ARHGAP26: variants seen among roughly 807,000 people sequenced by gnomAD.
ARHGAP26 encodes the protein Rho GTPase activating protein 26.
ARHGAP26 carries 38 observed loss-of-function variants against 104.8 expected under a neutral mutation model. That is an observed-to-expected ratio of 0.36 (90% CI 0.28 to 0.48). The LOEUF is 0.48. ARHGAP26 is among the 20% of genes least tolerant of loss of function. The probability of loss-of-function intolerance (pLI) is 0.99; values close to 1 mark genes in which losing one functional copy is unlikely to be tolerated. For synonymous variants in ARHGAP26, 341 were observed against 340.0 expected (o/e 1.00, Z -0.03); for missense variants, 704 against 947.9 (o/e 0.74, Z 3.38).
chr5:142,806,334 G>C (rs779146169), intron 1 of ARHGAP26, among the ~76,000 whole-genome samples: 28 of 152,192 alleles, frequency 1.8e-4, no homozygotes, highest in Non-Finnish European at 3.8e-4. Context: ...TTGGGCTCAA[G>C]CAATCCTCCT....
At chr5:143,037,483 A>G (rs1420145216) in intron 13 of ARHGAP26, among the ~76,000 whole-genome samples, 1 of 152,226 alleles carries the variant, frequency 6.6e-6, no homozygotes, top group Non-Finnish European at 1.5e-5. Context: ...TTAAATATCT[A>G]AAATACGTAT....
At chr5:142,916,556 G>A (rs973908217) in intron 10 of ARHGAP26, among the ~76,000 whole-genome samples, 4 of 152,120 alleles carry the variant, frequency 2.6e-5, no homozygotes, top group Admixed American at 1.3e-4. Flanking sequence ...TCACAATACA[G>A]TTTCATCAGA....
At chr5:143,128,377 A>T (rs1796956720) in intron 18 of ARHGAP26, among the ~76,000 whole-genome samples, 1 of 152,212 alleles carries the variant, frequency 6.6e-6, no homozygotes, top group Non-Finnish European at 1.5e-5. Context: ...GGATTACCCA[A>T]GCTGTCTATA....
At chr5:142,915,264 T>C (rs553048617) in intron 10 of ARHGAP26, among the ~76,000 whole-genome samples, 1 of 151,756 alleles carries the variant, frequency 6.6e-6, no homozygotes, top group South Asian at 2.1e-4. Context: ...GGCTTGCGAG[T>C]CGATTGCTCC....
intron 20 of ARHGAP26, among the ~76,000 whole-genome samples, chr5:143,159,924 AT>A (rs199761987): frequency 0.12 from 17,870 of 148,574 alleles, 1,161 homozygotes; most frequent in East Asian, 0.24. Context: ...GTGGTATGGG[AT>A]TTTTTTTTTT....
chr5:143,052,307 T>C (rs975921040), intron 14 of ARHGAP26, among the ~76,000 whole-genome samples: 1 of 151,946 alleles, frequency 6.6e-6, no homozygotes, highest in African/African-American at 2.4e-5. Context: ...CCATTTCTAC[T>C]AAAAATACAA....
At chr5:142,981,795 G>A (rs752785027) in intron 11 of ARHGAP26, among the ~76,000 whole-genome samples, 11 of 152,232 alleles carry the variant, frequency 7.2e-5, no homozygotes, top group South Asian at 4.1e-4. Flanking sequence ...AAGTGGTGTC[G>A]TGGTACCACC....
At chr5:142,931,535 A>T (rs888094475) in intron 10 of ARHGAP26, among the ~76,000 whole-genome samples, 5 of 152,332 alleles carry the variant, frequency 3.3e-5, no homozygotes, top group African/African-American at 1.2e-4. Flanking sequence ...AACTACCAAG[A>T]TGATGACCAC....
intron 19 of ARHGAP26, among the ~76,000 whole-genome samples, chr5:143,138,316 G>A (rs1798129965): frequency 6.6e-6 from 1 of 152,182 alleles, no homozygotes; most frequent in Admixed American, 6.5e-5. Context: ...TGGAAATGGG[G>A]CTAGGAGTGA....
chr5:142,899,728 G>T (rs973884681), intron 6 of ARHGAP26, among the ~76,000 whole-genome samples: 17 of 152,062 alleles, frequency 1.1e-4, no homozygotes, highest in African/African-American at 3.9e-4. Context: ...GTGGGGGAGA[G>T]AAAAGGTGCT....
chr5:142,811,431 G>A (rs1470149165), intron 1 of ARHGAP26, among the ~76,000 whole-genome samples: 9 of 152,220 alleles, frequency 5.9e-5, no homozygotes, highest in African/African-American at 9.6e-5. Flanking sequence ...AGCTGAGAGT[G>A]TGGGCTCTGG....
In ARHGAP26 at chr5:143,179,448, C is replaced by T. The variant is rs573551381; in HGVS notation, c.1989-27750C>T. 2.7e-4 allele frequency among the ~76,000 whole-genome samples: 41 copies of T among 152,360 alleles called. No homozygotes were observed. The South Asian group carries it at 8.3e-3, about 31-fold the overall frequency. ...GGGTTGCGTTGCTTTTTGTGACTGA[C>T]TTTCTGCTCTGCTGGCTGTGATCAC... On this transcript the variant is annotated intron_variant, in intron 20 of 22. Transcript: ENST00000645722.
intron 19 of ARHGAP26, among the ~76,000 whole-genome samples, chr5:143,144,143 T>A (rs1471101756): frequency 2.0e-5 from 3 of 152,080 alleles, no homozygotes; most frequent in Non-Finnish European, 4.4e-5. Context: ...TAGCCTATAA[T>A]TTTTTTCCTT....
intron 19 of ARHGAP26, among the ~76,000 whole-genome samples, chr5:143,143,765 C>T (rs1002734459): frequency 3.3e-5 from 5 of 152,170 alleles, no homozygotes; most frequent in Non-Finnish European, 4.4e-5. Flanking sequence ...TCACCTGCCA[C>T]GTTAATGGAT....
At chr5:142,925,805 G>T (rs985936788) in intron 10 of ARHGAP26, among the ~76,000 whole-genome samples, 1 of 152,150 alleles carries the variant, frequency 6.6e-6, no homozygotes. Flanking sequence ...ATATACAGTA[G>T]TGTGGATGGA....
rs1811450613 is a variant in ARHGAP26, at chr5:143,223,856, G to A, written c.*1410G>A. 4.3e-6 allele frequency: 1 copy of A among 231,832 alleles called. No individual in the cohort carries two copies. The highest frequency in any genetic ancestry group is 2.2e-5 in the African/African-American group (1 of 45,248). The allele number at this position is 231,832 out of a possible 1,614,324, so 14.4% of individuals were successfully genotyped here. A position where few individuals can be genotyped will look rare whatever the true frequency, so the allele number is the denominator to read the frequency against. ...GATCTTGTGGAAGACTGTCTTGGAT[G>A]GGGAAGTACTACCTGGAGATTTCAA... On this transcript the variant is annotated 3_prime_UTR_variant, in exon 23 of 23. Transcript: ENST00000645722.
At chr5:143,050,533 G>A (rs1334204031) in intron 14 of ARHGAP26, among the ~76,000 whole-genome samples, 1 of 151,912 alleles carries the variant, frequency 6.6e-6, no homozygotes, top group Non-Finnish European at 1.5e-5. Flanking sequence ...CTTTTTTTAT[G>A]CCCCTTATTT....
chr5:142,876,628 T>A (rs1756137005), intron 3 of ARHGAP26, among the ~76,000 whole-genome samples: 1 of 151,308 alleles, frequency 6.6e-6, no homozygotes, highest in Non-Finnish European at 1.5e-5. Flanking sequence ...TTTTTTTTTT[T>A]AAGAAGACTG....
intron 17 of ARHGAP26, among the ~76,000 whole-genome samples, chr5:143,103,716 G>A (rs986963905): frequency 6.6e-6 from 1 of 152,184 alleles, no homozygotes; most frequent in Non-Finnish European, 1.5e-5. Flanking sequence ...AACACTGCAT[G>A]TTCTCACTCG....
Sources: allele counts gnomAD v4.1 joint callset (sites outside exome capture counted in the v4.1 genomes callset), GRCh38; gene constraint gnomAD v4.1.1; transcripts MANE v1.5; gene names NCBI Gene and HGNC (gene_info 2026-07-23, HGNC 2026-07-21).